Variants in EHHADH observed in about 807,000 individuals in gnomAD.
EHHADH encodes the protein enoyl-CoA hydratase and 3-hydroxyacyl CoA dehydrogenase.
EHHADH carries 48 observed loss-of-function variants against 64.4 expected under a neutral mutation model. The observed-to-expected ratio is 0.75, with a 90% CI of 0.59 to 0.95. The LOEUF is 0.95. Among genes scored for constraint, EHHADH ranks in the 40% least tolerant of loss-of-function variants. EHHADH has a pLI of 0.00. For missense variants in EHHADH, 854 were observed against 876.6 expected (o/e 0.97, Z 0.33); for synonymous variants, 308 against 326.7 (o/e 0.94, Z 0.62).
chr3:185,222,568 G>C (rs553188573), intron 4 of EHHADH, among the ~76,000 whole-genome samples: 9 of 152,224 alleles, frequency 5.9e-5, no homozygotes, highest in African/African-American at 1.9e-4. Flanking sequence ...TTTATTTACT[G>C]TCTGATTTAA....
intron 5 of EHHADH, among the ~76,000 whole-genome samples, chr3:185,206,660 T>C (rs904287681): frequency 6.6e-5 from 10 of 151,776 alleles, no homozygotes; most frequent in African/African-American, 2.4e-4. Context: ...AAACCCCATC[T>C]CTACTAAAAT....
At chr3:185,222,531 A>G (rs1718864215) in intron 4 of EHHADH, among the ~76,000 whole-genome samples, 1 of 152,268 alleles carries the variant, frequency 6.6e-6, no homozygotes, top group South Asian at 2.1e-4. Flanking sequence ...TAGGGAGAAG[A>G]GTGCAATTGT....
chr3:185,195,656 C>T (rs1197181839), intron 6 of EHHADH, among the ~76,000 whole-genome samples: 1 of 152,140 alleles, frequency 6.6e-6, no homozygotes, highest in East Asian at 1.9e-4. Flanking sequence ...GGCCATTATC[C>T]TAAGCAAATT....
chr3:185,221,081 A>G lies in EHHADH; in HGVS notation c.464-2841T>C, dbSNP rs138493830. Among the ~76,000 whole-genome samples the G allele has an allele frequency of 9.8e-5, 15 of 152,350 alleles. No individual in the cohort carries two copies. The East Asian group carries it at 2.5e-3, about 25-fold the overall frequency. On this transcript the variant is annotated intron_variant, in intron 4 of 6. Transcript: ENST00000231887. ...TAAGCAGTGCTTTGGGAAAAGGCCAATCCTAGTTCATTTTATTTCTTTTTG... is the reference window on the plus strand; with the variant it reads ...TAAGCAGTGCTTTGGGAAAAGGCCAGTCCTAGTTCATTTTATTTCTTTTTG...
At chr3:185,243,233 G>A (rs1467010173) in intron 2 of EHHADH, among the ~76,000 whole-genome samples, 1 of 152,184 alleles carries the variant, frequency 6.6e-6, no homozygotes, top group East Asian at 1.9e-4. Context: ...TGTCCTGCAG[G>A]AGCAGTCTGC....
At position 185,193,414 on chromosome 3, in the gene EHHADH, C is replaced by A. The variant is rs372621913; in HGVS notation, c.984G>T (p.Ser328=). The A allele has an allele frequency of 2.5e-5, 40 of 1,614,072 alleles. No homozygotes were observed. The African/African-American group carries it at 4.9e-4, about 20-fold the overall frequency. ...TTGCAGTTGCTAGCTGGTTTTTGTC[C>A]GAGTCTACAGCAATCACAGGAATCC... ...RARIPVIAVD[S]DKNQLATANK... Residue 328 remains serine, a synonymous_variant, in exon 7 of 7, where the codon TCG becomes TCT. Transcript: ENST00000231887.
chr3:185,227,318 A>G (rs1719004553), intron 4 of EHHADH, among the ~76,000 whole-genome samples: 1 of 152,210 alleles, frequency 6.6e-6, no homozygotes, highest in Non-Finnish European at 1.5e-5. Flanking sequence ...GGATCACCTG[A>G]GGTTGGTAGT....
intron 1 of EHHADH, among the ~76,000 whole-genome samples, chr3:185,253,475 C>G (rs1364440876): frequency 6.8e-6 from 1 of 147,928 alleles, no homozygotes; most frequent in South Asian, 2.1e-4. Flanking sequence ...TATTAAATGA[C>G]GAGTTAATGG....
intron 6 of EHHADH, 82 bp downstream of exon 6, chr3:185,204,334 T>A: frequency 7.8e-7 from 1 of 1,281,470 alleles, no homozygotes; most frequent in East Asian, 2.3e-5. Flanking sequence ...ACGTGAAACC[T>A]AGCATCCGGT....
chr3:185,216,476 C>T lies in EHHADH; in HGVS notation c.568+1660G>A, dbSNP rs1342206217. ...GTGACTTCTAACAAAACAATAAGCC[C>T]CCTCGGGAAGCACAATGATGAAAAC... On this transcript the variant is annotated intron_variant, in intron 5 of 6. Transcript: ENST00000231887. The surrounding 1 kb of genome is among the most constrained non-coding windows in gnomAD (Gnocchi z 5.3). 6.6e-6 allele frequency among the ~76,000 whole-genome samples: 1 copy of T among 152,182 alleles called. No individual in the cohort carries two copies. Among genetic ancestry groups the T allele is most frequent in the Non-Finnish European group, 1.5e-5 (1 of 68,022 alleles).
rs943878085 is a variant in EHHADH at position 185,190,831 on chromosome 3, T to C, written c.*1395A>G. On this transcript the variant is annotated 3_prime_UTR_variant, in exon 7 of 7. Coordinates refer to ENST00000231887, the MANE Select transcript of EHHADH (RefSeq NM_001966.4). Reference sequence around the variant, plus strand: ...TTTTCCATCAGAACTTTAATCATTTTATTTGGGTTCACAGGTGAAAATATT... The same window carrying C: ...TTTTCCATCAGAACTTTAATCATTTCATTTGGGTTCACAGGTGAAAATATT... 1.2e-4 allele frequency: 19 copies of C among 152,214 alleles called. 2 individuals are homozygous for C. 9.4% of individuals were successfully genotyped at this position (152,214 alleles called of 1,614,324 possible). A position where few individuals can be genotyped will look rare whatever the true frequency, so the allele number is the denominator to read the frequency against.
At chr3:185,212,176 A>G (rs1718558866) in intron 5 of EHHADH, among the ~76,000 whole-genome samples, 1 of 152,238 alleles carries the variant, frequency 6.6e-6, no homozygotes, top group South Asian at 2.1e-4. Flanking sequence ...TGCTAGCCAC[A>G]TGCATGTGCA....
At chr3:185,201,070 C>G (rs1186137534) in intron 6 of EHHADH, among the ~76,000 whole-genome samples, 1 of 151,856 alleles carries the variant, frequency 6.6e-6, no homozygotes, top group Non-Finnish European at 1.5e-5. Flanking sequence ...AAGAAAGATA[C>G]AAGGAAAGAT....
Position 185,216,377 on chromosome 3 carries a change from G to A in EHHADH, c.568+1759C>T, listed in dbSNP as rs1718680793. ...ACTACAGATGTGAATGACAGACACG[G>A]GTCTACCTTTAGCAAACCAAAGAAT... On this transcript the variant is annotated intron_variant, in intron 5 of 6. Transcript: ENST00000231887. This position sits in a 1 kb window ranked among gnomAD's most constrained non-coding sequence, Gnocchi z 5.3. Among the ~76,000 whole-genome samples, 3 of 152,286 alleles carry A rather than the reference G, an allele frequency of 2.0e-5. No homozygotes were observed. The highest frequency in any genetic ancestry group is 4.1e-4 in the South Asian group (2 of 4,826).
At chr3:185,234,472 G>A (rs1719226734) in intron 3 of EHHADH, among the ~76,000 whole-genome samples, 1 of 152,190 alleles carries the variant, frequency 6.6e-6, no homozygotes, top group Non-Finnish European at 1.5e-5. Context: ...GTAGAGTCTC[G>A]GGGCTCTCTA....
chr3:185,253,432 G>T (rs1213546805), intron 1 of EHHADH, among the ~76,000 whole-genome samples: 4 of 88,390 alleles, frequency 4.5e-5, no homozygotes, highest in African/African-American at 8.7e-5. Context: ...GGTGGGGGGA[G>T]GGGGGAGGGA....
chr3:185,203,299 C>T (rs1244251359), intron 6 of EHHADH, among the ~76,000 whole-genome samples: 2 of 151,844 alleles, frequency 1.3e-5, no homozygotes, highest in East Asian at 3.9e-4. Flanking sequence ...TTTGGAGGAT[C>T]TGGATAAAAA....
intron 4 of EHHADH, among the ~76,000 whole-genome samples, chr3:185,224,923 G>A (rs1022270579): frequency 1.3e-5 from 2 of 152,136 alleles, no homozygotes; most frequent in African/African-American, 4.8e-5. Context: ...GATCTTTAAT[G>A]TAATCACACG....
intron 5 of EHHADH, among the ~76,000 whole-genome samples, chr3:185,210,926 C>A (rs1182969884): frequency 6.6e-6 from 1 of 152,148 alleles, no homozygotes; most frequent in Non-Finnish European, 1.5e-5. Context: ...ATCCCGGGGA[C>A]ACTGAAAACC....
Sources: allele counts gnomAD v4.1 joint callset (sites outside exome capture counted in the v4.1 genomes callset), GRCh38; gene constraint gnomAD v4.1.1; non-coding constraint Gnocchi (gnomAD v3.1); transcripts MANE v1.5; gene names NCBI Gene and HGNC (gene_info 2026-07-23, HGNC 2026-07-21).